DGKB: variants seen among roughly 807,000 people sequenced by gnomAD.
DGKB encodes the protein 90 kDa diacylglycerol kinase.
A neutral mutation model predicts 114.3 loss-of-function variants in DGKB; 67 were observed. The observed-to-expected ratio is 0.59, with a 90% CI of 0.48 to 0.72. DGKB has a LOEUF of 0.72. DGKB is among the 30% of genes least tolerant of loss of function. DGKB has a pLI of 0.00. For missense variants in DGKB, 907 were observed against 975.2 expected (o/e 0.93, Z 0.93); for synonymous variants, 398 against 323.1 (o/e 1.23, Z -2.49).
At chr7:14,810,320 C>A (rs1028791172) in intron 2 of DGKB, among the ~76,000 whole-genome samples, 1 of 152,112 alleles carries the variant, frequency 6.6e-6, no homozygotes, top group South Asian at 2.1e-4. Flanking sequence ...TATACCCAGA[C>A]TGATTGGATC....
chr7:14,425,798 T>A (rs927101787), intron 21 of DGKB, among the ~76,000 whole-genome samples: 1 of 152,118 alleles, frequency 6.6e-6, no homozygotes, highest in African/African-American at 2.4e-5. Context: ...ATTAATAGTA[T>A]CTTCTTTGGT....
At chr7:14,681,993 T>C (rs1023077142) in intron 12 of DGKB, among the ~76,000 whole-genome samples, 2 of 152,110 alleles carry the variant, frequency 1.3e-5, no homozygotes, top group Admixed American at 6.6e-5. Context: ...CATCAAGACC[T>C]GAATAAAACA....
At chr7:14,611,010 CCT>C (rs1805454340) in intron 16 of DGKB, among the ~76,000 whole-genome samples, 1 of 152,194 alleles carries the variant, frequency 6.6e-6, no homozygotes, top group African/African-American at 2.4e-5. Flanking sequence ...TCATCTTTCC[CCT>C]CTTTTTCCTT....
At chr7:14,368,137 C>T (rs1817000998) in intron 21 of DGKB, among the ~76,000 whole-genome samples, 1 of 146,438 alleles carries the variant, frequency 6.8e-6, no homozygotes, top group Admixed American at 7.0e-5. Flanking sequence ...TACTCCCTAC[C>T]CCCACATATG....
At chr7:14,913,290 T>C (rs777275118) in intron 1 of DGKB, among the ~76,000 whole-genome samples, 44 of 152,108 alleles carry the variant, frequency 2.9e-4, no homozygotes, top group Middle Eastern at 3.4e-3. Flanking sequence ...TCACCCTCTG[T>C]TGACTACCTT....
At chr7:14,191,998 T>G in intron 23 of DGKB, 1 of 564,616 alleles carries the variant, frequency 1.8e-6, no homozygotes, top group South Asian at 1.5e-5. Context: ...AGCTCCTGTG[T>G]TGAGAGCTTT....
At chr7:14,236,670 C>T (rs1278530863) in intron 23 of DGKB, among the ~76,000 whole-genome samples, 1 of 151,884 alleles carries the variant, frequency 6.6e-6, no homozygotes, top group Non-Finnish European at 1.5e-5. Flanking sequence ...TTTTTTCCCC[C>T]TATGAATTAT....
chr7:14,381,024 C>G (rs1017527629), intron 21 of DGKB, among the ~76,000 whole-genome samples: 1 of 152,100 alleles, frequency 6.6e-6, no homozygotes, highest in East Asian at 1.9e-4. Context: ...TGGGGCACCT[C>G]GTAGTTGGAA....
chr7:14,292,980 G>A (rs532660703), intron 23 of DGKB, among the ~76,000 whole-genome samples: 1 of 152,146 alleles, frequency 6.6e-6, no homozygotes, highest in East Asian at 1.9e-4. Flanking sequence ...CAGAGACTGA[G>A]GAAACTAAAA....
At chr7:14,931,233 T>C (rs1357192882) in intron 1 of DGKB, among the ~76,000 whole-genome samples, 2 of 151,790 alleles carry the variant, frequency 1.3e-5, no homozygotes, top group Non-Finnish European at 2.9e-5. Flanking sequence ...TGCCTCAGCC[T>C]CCTGAGTATC....
chr7:14,767,586 C>T (rs981619857), intron 2 of DGKB, among the ~76,000 whole-genome samples: 24 of 151,836 alleles, frequency 1.6e-4, no homozygotes, highest in African/African-American at 5.1e-4. Context: ...TTTTCTTTTA[C>T]ATTTTCACTA....
chr7:14,310,737 C>A (rs1805256703), intron 23 of DGKB, among the ~76,000 whole-genome samples: 1 of 152,184 alleles, frequency 6.6e-6, no homozygotes, highest in Non-Finnish European at 1.5e-5. Flanking sequence ...TTGTAATTTT[C>A]CCAGTCCTTT....
At chr7:14,336,935 A>T (rs1030834890) in intron 23 of DGKB, among the ~76,000 whole-genome samples, 7 of 152,130 alleles carry the variant, frequency 4.6e-5, no homozygotes, top group African/African-American at 1.4e-4. Flanking sequence ...CATATCAAGT[A>T]TTGAGATGTA....
At chr7:14,272,480 G>A (rs1798403939) in intron 23 of DGKB, among the ~76,000 whole-genome samples, 1 of 152,152 alleles carries the variant, frequency 6.6e-6, no homozygotes, top group Non-Finnish European at 1.5e-5. Flanking sequence ...ATTTAGTTCA[G>A]AAAAACCTAT....
intron 15 of DGKB, among the ~76,000 whole-genome samples, chr7:14,616,229 T>TATATATATATATAATATACATATATAC (rs756655351): frequency 4.7e-5 from 7 of 147,686 alleles, no homozygotes; most frequent in African/African-American, 1.7e-4. Context: ...CATATATACA[T>TATATATATATATAATATACATATATAC]ATATATATAT....
At chr7:14,566,031 T>G (rs551385487) in intron 20 of DGKB, among the ~76,000 whole-genome samples, 1 of 152,310 alleles carries the variant, frequency 6.6e-6, no homozygotes, top group Admixed American at 6.5e-5. Context: ...TCGCTTGTGT[T>G]GTTTCCAAAC....
At chr7:14,794,831 T>A (rs1034148101) in intron 2 of DGKB, among the ~76,000 whole-genome samples, 2 of 152,146 alleles carry the variant, frequency 1.3e-5, no homozygotes, top group Non-Finnish European at 2.9e-5. Context: ...TGAGTCTTCA[T>A]TACCAGTAAA....
intron 15 of DGKB, among the ~76,000 whole-genome samples, chr7:14,616,676 TC>T (rs1484874275): frequency 6.6e-6 from 1 of 151,746 alleles, no homozygotes; most frequent in African/African-American, 2.4e-5. Flanking sequence ...ACAGATGACT[TC>T]CTAGTTGATT....
chr7:14,288,090 A>G (rs1466331559), intron 23 of DGKB, among the ~76,000 whole-genome samples: 1 of 152,112 alleles, frequency 6.6e-6, no homozygotes, highest in African/African-American at 2.4e-5. Context: ...AATTAGAACT[A>G]GAAGCAATGG....
Sources: gnomAD v4.1 joint callset for allele counts (sites outside exome capture counted in the v4.1 genomes callset) on GRCh38, gnomAD v4.1.1 for gene constraint, MANE v1.5 for transcripts, NCBI Gene and HGNC (gene_info 2026-07-23, HGNC 2026-07-21) for gene names.